The following MDN1 variants were observed in gnomAD, a reference collection of about 807,000 sequenced individuals.
MDN1 encodes the protein midasin.
MDN1 carries 266 observed loss-of-function variants against 669.2 expected under a neutral mutation model. The observed-to-expected ratio is 0.40, with a 90% confidence interval of 0.36 to 0.44. MDN1 has a LOEUF of 0.44. Ranked by LOEUF, MDN1 falls within the 20% of genes least tolerant of loss-of-function variation. The pLI, the probability that MDN1 is intolerant of heterozygous loss-of-function variation, is 1.00. For missense variants in MDN1, 5,940 were observed against 6,754.0 expected (o/e 0.88, Z 4.22); for synonymous variants, 2,385 against 2,457.1 (o/e 0.97, Z 0.87).
rs1172615787 is a variant in MDN1, at chr6:89,643,876, T to C, written c.*129A>G. On this transcript the variant is annotated 3_prime_UTR_variant, in exon 102 of 102. Transcript: ENST00000369393. ...GGGAGCCAGAGAGCATTCTGTAGGC[T>C]GTAAGATCACGTTGTAAAATAAAAA... 2.4e-6 allele frequency: 2 copies of C among 838,660 alleles called. No homozygotes were observed. The highest frequency in any genetic ancestry group is 3.5e-6 in the Non-Finnish European group (2 of 570,626). 52.0% of individuals were successfully genotyped at this position (838,660 alleles called of 1,614,324 possible).
chr6:89,658,519 G>A, intron 89 of MDN1, 91 bp downstream of exon 89: 1 of 1,522,514 alleles, frequency 6.6e-7, no homozygotes, highest in Non-Finnish European at 8.9e-7. Context: ...TGTTGATGGA[G>A]GAGTATCCTA....
rs539296698 is a variant in MDN1 at position 89,678,451 on chromosome 6, G to A, written c.12412+148C>T. On this transcript the variant is annotated intron_variant, in intron 75 of 101. Transcript: ENST00000369393. Reference sequence around the variant, plus strand: ...CATAGGATTTTCCTGCATGTGAGTGGAACTCTTAGACATCTGGAAACCTTG... The same window carrying A: ...CATAGGATTTTCCTGCATGTGAGTGAAACTCTTAGACATCTGGAAACCTTG... 517 of 759,118 alleles carry A rather than the reference G, an allele frequency of 6.8e-4. 3 individuals carry two copies. The African/African-American group carries it at 8.0e-3, about 12-fold the overall frequency. 47.0% of individuals were successfully genotyped at this position (759,118 alleles called of 1,614,324 possible).
intron 37 of MDN1, among the ~76,000 whole-genome samples, chr6:89,727,286 T>C (rs1815301133): frequency 6.6e-6 from 1 of 152,152 alleles, no homozygotes; most frequent in Non-Finnish European, 1.5e-5. Flanking sequence ...GCTCCACAAA[T>C]ATTTCTAGCC....
chr6:89,796,324 C>CAAAAAAAAAAAAAAAAAAA lies in MDN1; in HGVS notation c.330-1542_330-1524dup, dbSNP rs35169575. 1.3e-4 allele frequency among the ~76,000 whole-genome samples: 6 copies of CAAAAAAAAAAAAAAAAAAA among 45,376 alleles called. 1 individual carries two copies. The highest frequency in any genetic ancestry group is 1.8e-4 in the Non-Finnish European group (5 of 28,536). The allele number at this position is 45,376 out of a possible 152,430, so 29.8% of individuals were successfully genotyped here. On this transcript the variant is annotated intron_variant, in intron 2 of 101. Transcript: ENST00000369393. ...GGGCGACAAGAGCAAAACTCTGTCT[C>CAAAAAAAAAAAAAAAAAAA]AAAAAAAAAAAAAAAAAAAAAAAAA... is the stretch of plus-strand genomic sequence containing the variant.
chr6:89,739,446 T>A (rs915343521), intron 32 of MDN1, among the ~76,000 whole-genome samples: 4 of 152,332 alleles, frequency 2.6e-5, no homozygotes, highest in African/African-American at 7.2e-5. Context: ...TTTCATCTTA[T>A]GATACTGAGG....
At chr6:89,724,280 A>G (rs1170948977) in intron 38 of MDN1, among the ~76,000 whole-genome samples, 3 of 152,202 alleles carry the variant, frequency 2.0e-5, no homozygotes, top group African/African-American at 7.2e-5. Context: ...AGTTTTCTCA[A>G]TAAAACATTC....
At chr6:89,787,810 G>A in intron 8 of MDN1, 44 bp downstream of exon 8, 2 of 1,469,912 alleles carry the variant, frequency 1.4e-6, no homozygotes, top group Middle Eastern at 3.5e-4. Context: ...AGACTTACGA[G>A]TAAGTGGCTC....
intron 95 of MDN1, 73 bp downstream of exon 95, chr6:89,652,119 A>T (rs1808916354): frequency 8.4e-6 from 10 of 1,185,516 alleles, no homozygotes; most frequent in Non-Finnish European, 1.1e-5. Flanking sequence ...GAACCTATTA[A>T]GTTTGCTATA....
chr6:89,657,743 G>A (rs1285931613), intron 90 of MDN1, among the ~76,000 whole-genome samples: 1 of 152,222 alleles, frequency 6.6e-6, no homozygotes, highest in Non-Finnish European at 1.5e-5. Flanking sequence ...TAGCAGTCAT[G>A]TACCACACAA....
chr6:89,650,871 T>C (rs1246135318), intron 95 of MDN1, 24 bp from the exon 96 acceptor site: 4 of 1,597,454 alleles, frequency 2.5e-6, no homozygotes, highest in South Asian at 1.1e-5. Flanking sequence ...AAAATGTAAG[T>C]TACCCTCAGA....
rs1396207587 is a variant in MDN1 at position 89,722,959 on chromosome 6, T to C, written c.5963A>G (p.Lys1988Arg). 2 of 1,607,176 alleles carry C rather than the reference T, an allele frequency of 1.2e-6. No homozygotes were observed. Among genetic ancestry groups the C allele is most frequent in the African/African-American group, 1.3e-5 (1 of 74,568 alleles). ...GERMRTEEDKKKVIAVFKDVF... is the reference protein window; with the variant it reads ...GERMRTEEDKRKVIAVFKDVF... Reference sequence around the variant, plus strand: ...AATACCAAGCGTGAAACTCACCTTTTTTTTGTCCTCTTCGGTTCTCATTCT... The same window carrying C: ...AATACCAAGCGTGAAACTCACCTTTCTTTTGTCCTCTTCGGTTCTCATTCT... The change falls in exon 40 of 102, where the codon AAA becomes AGA. Residue 1988 changes from lysine (K) to arginine (R), a missense_variant. By Grantham distance (26) the Lys-to-Arg change is conservative (BLOSUM62 2). Transcript: ENST00000369393.
intron 17 of MDN1, among the ~76,000 whole-genome samples, chr6:89,759,999 G>A (rs1327879360): frequency 6.6e-6 from 1 of 151,958 alleles, no homozygotes; most frequent in Non-Finnish European, 1.5e-5. Flanking sequence ...TTCAACCCAG[G>A]AGGCAGAGGT....
intron 38 of MDN1, among the ~76,000 whole-genome samples, chr6:89,724,056 T>C (rs548542706): frequency 1.3e-5 from 2 of 151,952 alleles, no homozygotes; most frequent in South Asian, 2.1e-4. Context: ...GGCAGGAGAA[T>C]TGCTTGCTCC....
intron 95 of MDN1, among the ~76,000 whole-genome samples, chr6:89,651,256 C>G (rs4331958): frequency 6.9e-6 from 1 of 144,944 alleles, no homozygotes. Flanking sequence ...ACCCAGGAGG[C>G]GGAGGTTGCA....
intron 33 of MDN1, 74 bp from the exon 34 acceptor site, chr6:89,732,849 C>T: frequency 7.4e-7 from 1 of 1,352,002 alleles, no homozygotes; most frequent in South Asian, 1.3e-5. Context: ...ACCAGGGGCA[C>T]ACAAATGGCC....
intron 81 of MDN1, 31 bp from the exon 82 acceptor site, chr6:89,672,394 A>G: frequency 1.9e-6 from 3 of 1,608,484 alleles, no homozygotes; most frequent in Non-Finnish European, 2.5e-6. Flanking sequence ...AAATAACAAC[A>G]TGATGAATAA....
intron 1 of MDN1, among the ~76,000 whole-genome samples, chr6:89,813,292 G>A (rs955328697): frequency 9.9e-5 from 15 of 152,090 alleles, no homozygotes; most frequent in African/African-American, 3.6e-4. Flanking sequence ...GCTCATGCCT[G>A]TAATCCCAGC....
At chr6:89,772,180 G>A (rs927606256) in intron 14 of MDN1, among the ~76,000 whole-genome samples, 2 of 152,078 alleles carry the variant, frequency 1.3e-5, no homozygotes, top group Non-Finnish European at 2.9e-5. Flanking sequence ...TCTGAGGTAG[G>A]AAGATCACTT....
At chr6:89,656,045 A>G (rs1030379433) in intron 91 of MDN1, 77 bp from the exon 92 acceptor site, 22 of 1,297,370 alleles carry the variant, frequency 1.7e-5, no homozygotes, top group East Asian at 2.3e-5. Context: ...ATATCCATCT[A>G]TAGGGGACAG....
Sources: gnomAD v4.1 joint callset for allele counts (sites outside exome capture counted in the v4.1 genomes callset) on GRCh38, gnomAD v4.1.1 for gene constraint, MANE v1.5 for transcripts, NCBI Gene and HGNC (gene_info 2026-07-23, HGNC 2026-07-21) for gene names.